Variants in MTMR10 observed in about 807,000 individuals in gnomAD.
The protein encoded by MTMR10 is myotubularin related protein 10.
MTMR10 carries 56 observed loss-of-function variants against 88.1 expected under a neutral mutation model. That is an observed-to-expected ratio of 0.64 (90% CI 0.51 to 0.79). The LOEUF (loss-of-function observed/expected upper bound fraction) is 0.79. Among genes scored for constraint, MTMR10 ranks in the 30% least tolerant of loss-of-function variants. The pLI, the probability that MTMR10 is intolerant of heterozygous loss-of-function variation, is 0.00. For synonymous variants in MTMR10, 380 were observed against 340.9 expected, an observed-to-expected ratio of 1.11 and a Z score of -1.26; for missense variants, 883 against 924.7, an observed-to-expected ratio of 0.95 and a Z score of 0.58.
rs954014069 is a variant in MTMR10 at position 30,975,080 on chromosome 15, T to C, written c.259-77A>G. On this transcript the variant is annotated intron_variant, in intron 3 of 15. Coordinates refer to ENST00000435680, the MANE Select transcript of MTMR10 (RefSeq NM_017762.3). Reference sequence around the variant, plus strand: ...TGGTAGTATAAGCCTTAAACTGTGATGATAAACTGTGACAGTTATCTCTAA... The same window carrying C: ...TGGTAGTATAAGCCTTAAACTGTGACGATAAACTGTGACAGTTATCTCTAA... 4.6e-6 allele frequency: 5 copies of C among 1,076,190 alleles called. No individual in the cohort carries two copies. In the African/African-American group the frequency reaches 6.4e-5, roughly 14 times the overall value. 66.7% of individuals were successfully genotyped at this position (1,076,190 alleles called of 1,614,324 possible). A position where few individuals can be genotyped will look rare whatever the true frequency, so the allele number is the denominator to read the frequency against.
the MTMR10 span, among the ~76,000 whole-genome samples, chr15:30,922,579 G>T: frequency 1.3e-5 from 2 of 152,164 alleles, no homozygotes; most frequent in Non-Finnish European, 2.9e-5. Flanking sequence ...GCTGATTGGC[G>T]AGATGGGCTT....
chr15:30,983,813 G>T (rs1373661462), intron 2 of MTMR10, among the ~76,000 whole-genome samples: 1 of 152,170 alleles, frequency 6.6e-6, no homozygotes, highest in Non-Finnish European at 1.5e-5. Context: ...TGGCTCAAAA[G>T]TTATCACAGG....
chr15:30,961,733 C>T (rs2063405085), intron 6 of MTMR10, among the ~76,000 whole-genome samples: 1 of 152,200 alleles, frequency 6.6e-6, no homozygotes, highest in Non-Finnish European at 1.5e-5. Context: ...TTTCTTCCTT[C>T]CTTTTCCTGA....
chr15:30,932,095 G>A, the MTMR10 span, among the ~76,000 whole-genome samples: 2 of 151,560 alleles, frequency 1.3e-5, no homozygotes, highest in Non-Finnish European at 2.9e-5. Context: ...GGTGGCGGGC[G>A]CCTGTAGTCC....
chr15:30,984,590 A>G (rs1283517365), intron 2 of MTMR10, among the ~76,000 whole-genome samples: 1 of 152,236 alleles, frequency 6.6e-6, no homozygotes, highest in Admixed American at 6.5e-5. Context: ...CAAGAACAGT[A>G]CGGGCCAGTG....
chr15:30,959,214 G>C, intron 7 of MTMR10, 93 bp from the exon 8 acceptor site: 1 of 1,152,702 alleles, frequency 8.7e-7, no homozygotes, highest in Non-Finnish European at 1.2e-6. Flanking sequence ...CAAGTTGTCC[G>C]CATTTAATGT....
At chr15:30,988,257 G>A (rs1467869096) in intron 2 of MTMR10, among the ~76,000 whole-genome samples, 2 of 152,156 alleles carry the variant, frequency 1.3e-5, no homozygotes, top group African/African-American at 4.8e-5. Context: ...CAGAATGAGA[G>A]GGTAAGAACA....
At chr15:30,926,040 C>T in the MTMR10 span, 3 of 1,207,722 alleles carry the variant, frequency 2.5e-6, no homozygotes, top group Non-Finnish European at 3.6e-6. Context: ...TCTCTGTCCT[C>T]TGCTCACAGT....
Position 30,961,071 on chromosome 15 carries a change from T to C in MTMR10, c.568A>G (p.Asn190Asp). 3 of 1,545,408 alleles carry C rather than the reference T, an allele frequency of 1.9e-6. No homozygotes were observed. Among genetic ancestry groups the C allele is most frequent in the South Asian group, 1.2e-5 (1 of 83,760 alleles). The change falls in exon 7 of 16, where the codon AAC (asparagine) becomes GAC (aspartate). Residue 190 changes from asparagine (N) to aspartate (D), a missense_variant and splice_region_variant. Physicochemically the swap from Asn to Asp is conservative, Grantham distance 23 (BLOSUM62 1). Transcript: ENST00000435680. Reference sequence around the variant, plus strand: ...CCTGAGGGAATTCCATTAATTTTGTTTGCTGTAGGAAAAAGCAACATTATG... The same window carrying C: ...CCTGAGGGAATTCCATTAATTTTGTCTGCTGTAGGAAAAAGCAACATTATG... The part of the protein sequence containing the change: ...YVGKKYHNSA[N>D]KINGIPSGDG...
the MTMR10 span, chr15:30,929,337 G>A: frequency 1.9e-6 from 3 of 1,611,704 alleles, no homozygotes; most frequent in Non-Finnish European, 2.5e-6. Flanking sequence ...GGCATGAGCA[G>A]GAAGGCAGAG....
the MTMR10 span, chr15:30,928,080 C>T: frequency 5.0e-6 from 5 of 1,000,606 alleles, no homozygotes; most frequent in South Asian, 1.7e-4. Flanking sequence ...AGGCCAAGAA[C>T]GGAGGTGGCT....
chr15:30,981,366 A>G (rs1253286503), intron 2 of MTMR10, among the ~76,000 whole-genome samples: 2 of 152,188 alleles, frequency 1.3e-5, no homozygotes, highest in Non-Finnish European at 2.9e-5. Flanking sequence ...CTTTAACCTG[A>G]AGTGATCGAG....
the MTMR10 span, chr15:30,926,815 C>G: frequency 1.0e-6 from 1 of 985,338 alleles, no homozygotes. Flanking sequence ...GAAAAACACA[C>G]GATTCCTTTC....
the MTMR10 span, among the ~76,000 whole-genome samples, chr15:30,923,226 G>A: frequency 6.6e-6 from 1 of 152,188 alleles, no homozygotes; most frequent in Non-Finnish European, 1.5e-5. Context: ...GAAAGAGCCA[G>A]TAAAGCTATT....
intron 5 of MTMR10, among the ~76,000 whole-genome samples, chr15:30,971,244 T>C (rs1198992018): frequency 6.6e-6 from 1 of 152,196 alleles, no homozygotes; most frequent in Non-Finnish European, 1.5e-5. Flanking sequence ...CATTAAATTA[T>C]GGCAAATATT....
At chr15:30,958,798 G>A in intron 9 of MTMR10, 65 bp downstream of exon 9, 1 of 1,511,062 alleles carries the variant, frequency 6.6e-7, no homozygotes. Flanking sequence ...CAATTAGTAG[G>A]GAACTCACTG....
At chr15:30,959,152 C>T in intron 7 of MTMR10, 31 bp from the exon 8 acceptor site, 1 of 1,535,790 alleles carries the variant, frequency 6.5e-7, no homozygotes, top group Non-Finnish European at 8.9e-7. Context: ...TATATGAGTG[C>T]TGTGCTAAAA....
the MTMR10 span, among the ~76,000 whole-genome samples, chr15:30,930,068 C>T: frequency 6.9e-6 from 1 of 145,644 alleles, no homozygotes; most frequent in Non-Finnish European, 1.5e-5. Flanking sequence ...TGAGAATACC[C>T]TATCCCCCTG....
At chr15:30,987,280 C>T (rs1011792785) in intron 2 of MTMR10, among the ~76,000 whole-genome samples, 11 of 152,222 alleles carry the variant, frequency 7.2e-5, no homozygotes, top group Admixed American at 1.3e-4. Flanking sequence ...GAGGTCCTTT[C>T]GTTCAGTCCC....
Sources: gnomAD v4.1 joint callset for allele counts (sites outside exome capture counted in the v4.1 genomes callset) on GRCh38, gnomAD v4.1.1 for gene constraint, MANE v1.5 for transcripts, NCBI Gene and HGNC (gene_info 2026-07-23, HGNC 2026-07-21) for gene names.